Variants in DNAJB1 observed in about 807,000 individuals in gnomAD.
The protein encoded by DNAJB1 is DnaJ heat shock protein family (Hsp40) member B1.
DNAJB1 carries 14 observed loss-of-function variants against 24.0 expected under a neutral mutation model. The ratio of observed to expected loss-of-function variants is 0.58; its 90% CI spans 0.39 to 0.91. The LOEUF (loss-of-function observed/expected upper bound fraction) is 0.91, where lower values mean the gene tolerates loss of function less well. Ranked by LOEUF, DNAJB1 falls within the 40% of genes least tolerant of loss-of-function variation. The pLI is 0.00. For missense variants in DNAJB1, 517 were observed against 458.1 expected, an observed-to-expected ratio of 1.13 and a Z score of -1.17; for synonymous variants, 262 against 174.4, an observed-to-expected ratio of 1.50 and a Z score of -3.96.
At chr19:14,530,598 C>T (rs1454979275), upstream of DNAJB1, 1 of 152,086 alleles carries the variant, frequency 6.6e-6, no homozygotes, top group Non-Finnish European at 1.5e-5. Context: ...TGAATAAAGT[C>T]TCAGAGATAT....
upstream of DNAJB1, among the ~76,000 whole-genome samples, chr19:14,550,382 C>T (rs955994444): frequency 6.6e-6 from 1 of 152,152 alleles, no homozygotes; most frequent in South Asian, 2.1e-4. Flanking sequence ...GGTGGACTAA[C>T]CTGTCTGCTG....
chr19:14,529,506 A>G (rs1568387818), upstream of DNAJB1: 2 of 753,818 alleles, frequency 2.7e-6, no homozygotes, highest in Non-Finnish European at 4.7e-6. Context: ...ACCGGCCCCA[A>G]GGAGCAGGGG....
intron 1 of DNAJB1, among the ~76,000 whole-genome samples, chr19:14,538,438 C>A (rs1195053566): frequency 6.6e-6 from 1 of 152,098 alleles, no homozygotes; most frequent in African/African-American, 2.4e-5. Context: ...CGGAGAGGGA[C>A]CCACGTTAGG....
chr19:14,517,104 T>TC, intron 1 of DNAJB1, 58 bp from the exon 2 acceptor site: 1 of 1,531,266 alleles, frequency 6.5e-7, no homozygotes, highest in Non-Finnish European at 8.8e-7. Flanking sequence ...CTCTCGAGCT[T>TC]CCCTTACAGG....
intron 1 of DNAJB1, among the ~76,000 whole-genome samples, chr19:14,555,877 C>T (rs914611735): frequency 6.6e-6 from 1 of 152,162 alleles, no homozygotes; most frequent in African/African-American, 2.4e-5. Flanking sequence ...TGAGCCACTG[C>T]GCCCAGCCCA....
chr19:14,540,998 G>C (rs143274335), intron 1 of DNAJB1, among the ~76,000 whole-genome samples: 1 of 152,022 alleles, frequency 6.6e-6, no homozygotes, highest in African/African-American at 2.4e-5. Flanking sequence ...GCTAATTTTG[G>C]TATTTTTAGT....
upstream of DNAJB1, chr19:14,530,118 A>G: frequency 6.2e-6 from 2 of 321,300 alleles, no homozygotes; most frequent in South Asian, 2.7e-5. Flanking sequence ...GGGCTTTGCT[A>G]TCAGTATTCT....
chr19:14,523,143 T>C (rs1000239745), upstream of DNAJB1, among the ~76,000 whole-genome samples: 9 of 149,018 alleles, frequency 6.0e-5, no homozygotes, highest in African/African-American at 2.2e-4. Context: ...GAGGTGGAGG[T>C]TGCAGTGAGC....
chr19:14,537,423 G>C (rs1010344545), intron 1 of DNAJB1, among the ~76,000 whole-genome samples: 6 of 148,144 alleles, frequency 4.1e-5, no homozygotes, highest in African/African-American at 1.5e-4. Flanking sequence ...GCCCAGCAAA[G>C]CCTTCTGGAC....
intron 1 of DNAJB1, among the ~76,000 whole-genome samples, chr19:14,559,339 T>TC (rs897070984): frequency 2.6e-5 from 4 of 151,588 alleles, no homozygotes; most frequent in Admixed American, 2.0e-4. Context: ...CACTCCCCAT[T>TC]CCCCCCGCCC....
At position 14,518,360 on chromosome 19, in the gene DNAJB1, T is replaced by C. The variant is rs764622200; in HGVS notation, c.-11A>G. On this transcript the variant is annotated 5_prime_UTR_variant, in exon 1 of 3. Coordinates refer to ENST00000254322, the MANE Select transcript of DNAJB1 (RefSeq NM_006145.3). ...GTAGTCTTTACCCATGACCCCCTCC[T>C]GCGGCCCGCCGACCCGCTGTCGCCG... 926 of 1,543,314 alleles carry C rather than the reference T, an allele frequency of 6.0e-4. 1 individual carries two copies. The highest frequency in any genetic ancestry group is 7.7e-4 in the Non-Finnish European group (887 of 1,153,838).
At chr19:14,529,250 C>T (rs2072516358) in exon 1 of DNAJB1, 2 of 304,380 alleles carry the variant, frequency 6.6e-6, no homozygotes, top group South Asian at 6.0e-5. Flanking sequence ...CATGTGGATG[C>T]TGCCTTGCCT....
At chr19:14,544,568 A>G (rs967605891) in intron 1 of DNAJB1, among the ~76,000 whole-genome samples, 17 of 131,382 alleles carry the variant, frequency 1.3e-4, no homozygotes, top group Admixed American at 1.0e-3. Flanking sequence ...CCTTGGTGAT[A>G]GTAGCAGAGG....
intron 1 of DNAJB1, among the ~76,000 whole-genome samples, chr19:14,558,086 C>G (rs2073794180): frequency 1.3e-5 from 2 of 152,132 alleles, no homozygotes; most frequent in African/African-American, 4.8e-5. Context: ...TTATCCTAAA[C>G]TGGGGATGAT....
chr19:14,518,282 G>A lies in DNAJB1; in HGVS notation c.68C>T (p.Ala23Val). The change falls in exon 1 of 3, where the codon GCC becomes GTC. Residue 23 changes from alanine to valine, a missense_variant. Ala to Val is a moderately conservative substitution (Grantham distance 64). Transcript: ENST00000254322. ...RGASDEEIKRAYRRQALRYHP... is the reference protein window; with the variant it reads ...RGASDEEIKRVYRRQALRYHP... ...GTAGCGCAGCGCCTGGCGGCGGTAGGCCCGCTTGATCTCCTCGTCCGACGC... is the reference window on the plus strand; with the variant it reads ...GTAGCGCAGCGCCTGGCGGCGGTAGACCCGCTTGATCTCCTCGTCCGACGC... 1 of 1,610,428 alleles carries A rather than the reference G, an allele frequency of 6.2e-7. No homozygotes were observed.
intron 1 of DNAJB1, among the ~76,000 whole-genome samples, chr19:14,548,079 C>T (rs2146594159): frequency 6.6e-6 from 1 of 151,622 alleles, no homozygotes; most frequent in South Asian, 2.1e-4. Flanking sequence ...TCTTCTGCCT[C>T]AGCCTCCCAA....
chr19:14,538,250 G>C (rs1246673681), intron 1 of DNAJB1, among the ~76,000 whole-genome samples: 1 of 152,150 alleles, frequency 6.6e-6, no homozygotes, highest in Non-Finnish European at 1.5e-5. Flanking sequence ...AAAGAATCAA[G>C]TGTGTGGTGG....
chr19:14,533,431 A>G (rs970940283), upstream of DNAJB1, among the ~76,000 whole-genome samples: 1 of 152,114 alleles, frequency 6.6e-6, no homozygotes, highest in Admixed American at 6.6e-5. Context: ...AAAAAAAAAA[A>G]GAAAAAAATC....
In DNAJB1 at chr19:14,518,290, G is replaced by C; in HGVS notation, c.60C>G (p.Ile20Met). ...GCGCCTGGCGGCGGTAGGCCCGCTT[G>C]ATCTCCTCGTCCGACGCGCCGCGGG... ...GLARGASDEE[I>M]KRAYRRQALR... Residue 20 changes from isoleucine (I) to methionine (M), a missense_variant, in exon 1 of 3, where the codon ATC (isoleucine) becomes ATG (methionine). Physicochemically the swap from Ile to Met is conservative, Grantham distance 10 (BLOSUM62 1). Coordinates refer to ENST00000254322, the MANE Select transcript of DNAJB1 (RefSeq NM_006145.3). 1 of 1,609,832 alleles carries C rather than the reference G, an allele frequency of 6.2e-7. No individual in the cohort carries two copies. Among genetic ancestry groups the C allele is most frequent in the Non-Finnish European group, 8.5e-7 (1 of 1,179,162 alleles).
Sources: gnomAD v4.1 joint callset for allele counts (sites outside exome capture counted in the v4.1 genomes callset) on GRCh38, gnomAD v4.1.1 for gene constraint, MANE v1.5 for transcripts, NCBI Gene and HGNC (gene_info 2026-07-23, HGNC 2026-07-21) for gene names.